Variants in TCF7L2 observed in about 807,000 individuals in gnomAD.
The protein encoded by TCF7L2 is transcription factor 7 like 2.
TCF7L2 carries 23 observed loss-of-function variants against 77.9 expected under a neutral mutation model. The observed-to-expected ratio is 0.30, with a 90% CI of 0.21 to 0.42. The LOEUF (loss-of-function observed/expected upper bound fraction) is 0.42, where lower values mean the gene tolerates loss of function less well. TCF7L2 is among the 10% of genes least tolerant of loss of function. The pLI is 1.00. For synonymous variants in TCF7L2, 413 were observed against 340.2 expected (o/e 1.21, Z -2.36); for missense variants, 654 against 793.1 (o/e 0.82, Z 2.11).
At chr10:112,952,879 C>T (rs1254146743) in intron 3 of TCF7L2, among the ~76,000 whole-genome samples, 1 of 151,664 alleles carries the variant, frequency 6.6e-6, no homozygotes, top group African/African-American at 2.4e-5. Context: ...TCATCCCTCC[C>T]TCCCTCTTCT....
Position 113,148,405 on chromosome 10 carries a change from T to G in TCF7L2, c.875+2308T>G, listed in dbSNP as rs76039897. The stretch of plus-strand genomic sequence containing the variant: ...AATAAGGCAGGAAGAGATGAAATGT[T>G]ACAAGTGCAAGGGGGAAAATGAGAG... On this transcript the variant is annotated intron_variant, in intron 8 of 13. Coordinates refer to ENST00000627217, the MANE Select transcript of TCF7L2 (RefSeq NM_001146274.2). 5.0e-3 allele frequency among the ~76,000 whole-genome samples: 762 copies of G among 152,282 alleles called. 2 individuals carry two copies. The highest frequency in any genetic ancestry group is 8.6e-3 in the Non-Finnish European group (583 of 68,012).
At chr10:113,071,972 T>A (rs1230734993) in intron 5 of TCF7L2, among the ~76,000 whole-genome samples, 1 of 152,282 alleles carries the variant, frequency 6.6e-6, no homozygotes, top group African/African-American at 2.4e-5. Flanking sequence ...ATTGTTTTAA[T>A]AAATTACTGT....
intron 4 of TCF7L2, among the ~76,000 whole-genome samples, chr10:113,006,217 C>T (rs139177817): frequency 6.6e-6 from 1 of 152,212 alleles, no homozygotes. Context: ...AAGAATTTCT[C>T]TATCCCTTTA....
chr10:113,084,909 C>A (rs374769806), intron 5 of TCF7L2, among the ~76,000 whole-genome samples: 58 of 147,104 alleles, frequency 3.9e-4, no homozygotes, highest in South Asian at 2.6e-3. Context: ...CCACCCCCCC[C>A]CAAAAAAAAA....
At chr10:113,034,912 G>A (rs2050886337) in intron 4 of TCF7L2, among the ~76,000 whole-genome samples, 1 of 151,866 alleles carries the variant, frequency 6.6e-6, no homozygotes, top group Non-Finnish European at 1.5e-5. Flanking sequence ...ACCATAATTC[G>A]TTTTGTCTTT....
At chr10:112,983,416 A>G (rs1262557056) in intron 4 of TCF7L2, among the ~76,000 whole-genome samples, 1 of 152,166 alleles carries the variant, frequency 6.6e-6, no homozygotes, top group African/African-American at 2.4e-5. Context: ...TGGAGCTTGC[A>G]GTGAGCCGAG....
At chr10:113,063,603 C>T (rs57013383) in intron 5 of TCF7L2, among the ~76,000 whole-genome samples, 4,745 of 152,088 alleles carry the variant, frequency 0.031, 531 homozygotes, top group East Asian at 0.22. Context: ...AACTTGACAC[C>T]GGATGGGACA....
intron 5 of TCF7L2, among the ~76,000 whole-genome samples, chr10:113,073,129 T>TGTGTGAGAGAGA (rs56927661): frequency 2.4e-5 from 3 of 123,482 alleles, no homozygotes; most frequent in Non-Finnish European, 3.4e-5. Context: ...TGTGTGTGTG[T>TGTGTGAGAGAGA]GAGAGAGAGA....
At chr10:113,059,363 A>C (rs1275889695) in intron 5 of TCF7L2, among the ~76,000 whole-genome samples, 3 of 148,724 alleles carry the variant, frequency 2.0e-5, no homozygotes, top group Non-Finnish European at 4.5e-5. Flanking sequence ...CCTTTTTGGC[A>C]AAACCATGCA....
intron 4 of TCF7L2, among the ~76,000 whole-genome samples, chr10:112,995,066 A>C (rs1274275636): frequency 1.3e-5 from 2 of 152,162 alleles, no homozygotes; most frequent in Admixed American, 6.5e-5. Flanking sequence ...ATGCCATTGC[A>C]CTCCAGCCTG....
intron 3 of TCF7L2, among the ~76,000 whole-genome samples, chr10:112,961,925 G>A (rs998846331): frequency 4.7e-4 from 71 of 151,778 alleles, no homozygotes; most frequent in African/African-American, 1.5e-3. Context: ...GAGAGAGAGA[G>A]AAGGTAAAAT....
intron 4 of TCF7L2, among the ~76,000 whole-genome samples, chr10:113,001,119 C>A (rs2044392960): frequency 6.6e-6 from 1 of 152,168 alleles, no homozygotes; most frequent in African/African-American, 2.4e-5. Flanking sequence ...CTGCCCTTGG[C>A]TGGGGAATGT....
At chr10:113,023,905 G>A (rs1230146616) in intron 4 of TCF7L2, among the ~76,000 whole-genome samples, 1 of 151,732 alleles carries the variant, frequency 6.6e-6, no homozygotes, top group Non-Finnish European at 1.5e-5. Context: ...TGATCCGCCC[G>A]CCTCGGCCTC....
intron 4 of TCF7L2, among the ~76,000 whole-genome samples, chr10:112,978,334 A>G (rs1489766320): frequency 6.6e-6 from 1 of 152,198 alleles, no homozygotes; most frequent in Non-Finnish European, 1.5e-5. Context: ...GAATGAAAGC[A>G]TTGAACTTGA....
At chr10:113,070,273 A>T (rs867292532) in intron 5 of TCF7L2, among the ~76,000 whole-genome samples, 3 of 137,716 alleles carry the variant, frequency 2.2e-5, no homozygotes, top group African/African-American at 8.7e-5. Context: ...AAAAATTTAT[A>T]TATATATATA....
chr10:113,143,225 C>T (rs565134785), intron 6 of TCF7L2, among the ~76,000 whole-genome samples: 1 of 152,390 alleles, frequency 6.6e-6, no homozygotes, highest in East Asian at 1.9e-4. Flanking sequence ...GCCCCTGCGA[C>T]GCACGCGGTG....
At chr10:113,159,578 T>G (rs2072701216) in intron 12 of TCF7L2, among the ~76,000 whole-genome samples, 1 of 152,148 alleles carries the variant, frequency 6.6e-6, no homozygotes, top group Admixed American at 6.5e-5. Context: ...GGAAAAATAT[T>G]TAAGAGTTAT....
intron 5 of TCF7L2, among the ~76,000 whole-genome samples, chr10:113,136,103 C>T (rs1195885044): frequency 2.6e-5 from 4 of 152,088 alleles, no homozygotes; most frequent in Admixed American, 2.6e-4. Context: ...AGGCATGTAA[C>T]CTGGAAAAAA....
chr10:113,068,762 G>A (rs1266225930), intron 5 of TCF7L2, among the ~76,000 whole-genome samples: 1 of 151,996 alleles, frequency 6.6e-6, no homozygotes, highest in Non-Finnish European at 1.5e-5. Context: ...CCGTCCGCAG[G>A]CCCCCTTGCT....
Sources: allele counts gnomAD v4.1 joint callset (sites outside exome capture counted in the v4.1 genomes callset), GRCh38; gene constraint gnomAD v4.1.1; transcripts MANE v1.5; gene names NCBI Gene and HGNC (gene_info 2026-07-23, HGNC 2026-07-21).